The following FAT3 variants were observed in gnomAD, a reference collection of about 807,000 sequenced individuals.
FAT3 encodes FAT atypical cadherin 3.
FAT3 carries 95 observed loss-of-function variants against 310.2 expected under a neutral mutation model. That is an observed-to-expected ratio of 0.31 (90% CI 0.26 to 0.36). The LOEUF (loss-of-function observed/expected upper bound fraction) is 0.36, where lower values mean the gene tolerates loss of function less well. Ranked by LOEUF, FAT3 falls within the 10% of genes least tolerant of loss-of-function variation. The pLI, the probability that FAT3 is intolerant of heterozygous loss-of-function variation, is 1.00. For missense variants in FAT3, 5,408 were observed against 5,715.6 expected (o/e 0.95, Z 1.74); for synonymous variants, 2,314 against 2,192.9 (o/e 1.06, Z -1.54).
chr11:92,867,762 T>C (rs1949285441), intron 22 of FAT3, among the ~76,000 whole-genome samples: 1 of 152,192 alleles, frequency 6.6e-6, no homozygotes, highest in Admixed American at 6.5e-5. Flanking sequence ...ATAAGTCTAG[T>C]TACAGCTTTA....
At chr11:92,786,514 C>G (rs1182346775) in intron 7 of FAT3, among the ~76,000 whole-genome samples, 1 of 151,920 alleles carries the variant, frequency 6.6e-6, no homozygotes, top group Non-Finnish European at 1.5e-5. Flanking sequence ...CAACCTCACT[C>G]AAAAATAAGA....
In FAT3 at chr11:92,505,194, T is replaced by C. The variant is rs529284363; in HGVS notation, c.3293-19440T>C. The stretch of plus-strand genomic sequence containing the variant: ...CTAGAGACTGTCCAGGCCTGCCTGC[T>C]ACCTCCGTTGAACCAATTCCTGATG... On this transcript the variant is annotated intron_variant, in intron 2 of 27. Transcript: ENST00000525166. Among the ~76,000 whole-genome samples the C allele has an allele frequency of 7.2e-5, 11 of 152,264 alleles. No homozygotes were observed. In the East Asian group the frequency reaches 1.6e-3, roughly 21 times the overall value.
chr11:92,658,118 G>A (rs1043530682), intron 3 of FAT3, among the ~76,000 whole-genome samples: 6 of 152,134 alleles, frequency 3.9e-5, no homozygotes, highest in East Asian at 1.9e-4. Flanking sequence ...ATACTAAGTC[G>A]TCAAAATCCA....
chr11:92,651,965 G>T (rs1942395526), intron 3 of FAT3, among the ~76,000 whole-genome samples: 2 of 152,064 alleles, frequency 1.3e-5, no homozygotes, highest in African/African-American at 4.8e-5. Flanking sequence ...CATTTCCATT[G>T]TCCATCTTTT....
At chr11:92,721,735 AAG>A (rs938156571) in intron 4 of FAT3, among the ~76,000 whole-genome samples, 1 of 152,176 alleles carries the variant, frequency 6.6e-6, no homozygotes, top group East Asian at 1.9e-4. Context: ...TTACAAAAGA[AAG>A]AGATTTACTG....
intron 4 of FAT3, among the ~76,000 whole-genome samples, chr11:92,753,114 C>G (rs1455675782): frequency 6.6e-6 from 1 of 152,156 alleles, no homozygotes; most frequent in African/African-American, 2.4e-5. Context: ...AATCTGGACT[C>G]TGAGACTCTT....
chr11:92,796,062 C>T (rs1016464935), intron 9 of FAT3, among the ~76,000 whole-genome samples: 5 of 152,054 alleles, frequency 3.3e-5, no homozygotes, highest in Non-Finnish European at 5.9e-5. Context: ...TCAGTGAACA[C>T]CGAGATCCCT....
chr11:92,471,839 T>G (rs1951911847), intron 2 of FAT3, among the ~76,000 whole-genome samples: 1 of 150,566 alleles, frequency 6.6e-6, no homozygotes, highest in Non-Finnish European at 1.5e-5. Context: ...CAGAGCTACA[T>G]TTAGTAGCAT....
At chr11:92,321,591 GA>G (rs1180210443) in intron 1 of FAT3, among the ~76,000 whole-genome samples, 7 of 151,270 alleles carry the variant, frequency 4.6e-5, no homozygotes, top group South Asian at 4.2e-4. Context: ...GAGAAAAAAA[GA>G]AAAAAAAATT....
chr11:92,649,112 C>T (rs193244034), intron 3 of FAT3, among the ~76,000 whole-genome samples: 8 of 152,210 alleles, frequency 5.3e-5, no homozygotes, highest in East Asian at 1.9e-4. Flanking sequence ...TGTCGGGGCA[C>T]GTGAAGAAAC....
intron 3 of FAT3, among the ~76,000 whole-genome samples, chr11:92,581,372 G>C (rs997693845): frequency 6.6e-6 from 1 of 152,044 alleles, no homozygotes; most frequent in African/African-American, 2.4e-5. Context: ...GAGGACAACA[G>C]ACTCAGACTG....
At chr11:92,266,676 C>T (rs972952765) in intron 1 of FAT3, among the ~76,000 whole-genome samples, 1 of 152,160 alleles carries the variant, frequency 6.6e-6, no homozygotes, top group African/African-American at 2.4e-5. Flanking sequence ...CCTCGAGTAG[C>T]AAGCTCTCTG....
At chr11:92,484,267 C>T (rs1952312163) in intron 2 of FAT3, among the ~76,000 whole-genome samples, 1 of 152,064 alleles carries the variant, frequency 6.6e-6, no homozygotes, top group African/African-American at 2.4e-5. Flanking sequence ...TATGTTTTCT[C>T]TTATTTTATA....
chr11:92,412,225 C>T (rs890179661), intron 2 of FAT3, among the ~76,000 whole-genome samples: 1 of 151,886 alleles, frequency 6.6e-6, no homozygotes, highest in Non-Finnish European at 1.5e-5. Flanking sequence ...GCCTCATCCT[C>T]CTGAGTAGCT....
At chr11:92,821,701 T>G (rs560868692) in intron 13 of FAT3, among the ~76,000 whole-genome samples, 16 of 152,356 alleles carry the variant, frequency 1.1e-4, no homozygotes, top group African/African-American at 3.4e-4. Flanking sequence ...TGAACAGATC[T>G]GGATGCTCCC....
At chr11:92,665,855 T>C (rs1942932027) in intron 3 of FAT3, among the ~76,000 whole-genome samples, 1 of 152,194 alleles carries the variant, frequency 6.6e-6, no homozygotes. Flanking sequence ...TAATTTGGTC[T>C]TCCTTCTCTT....
chr11:92,621,620 A>G (rs554227514), intron 3 of FAT3, among the ~76,000 whole-genome samples: 11 of 152,296 alleles, frequency 7.2e-5, no homozygotes, highest in Admixed American at 4.6e-4. Flanking sequence ...GCTCATGGCC[A>G]TCTTGTTTCT....
At chr11:92,577,771 A>G (rs983257104) in intron 3 of FAT3, among the ~76,000 whole-genome samples, 2 of 152,098 alleles carry the variant, frequency 1.3e-5, no homozygotes, top group Non-Finnish European at 2.9e-5. Flanking sequence ...GTGTGCTGGG[A>G]GATACTTGGC....
intron 3 of FAT3, among the ~76,000 whole-genome samples, chr11:92,634,854 G>A (rs983756288): frequency 2.8e-4 from 43 of 152,088 alleles, no homozygotes; most frequent in African/African-American, 1.0e-3. Context: ...TTAAGGTTTA[G>A]TGAGGTCATA....
Sources: gnomAD v4.1 joint callset for allele counts (sites outside exome capture counted in the v4.1 genomes callset) on GRCh38, gnomAD v4.1.1 for gene constraint, MANE v1.5 for transcripts, NCBI Gene and HGNC (gene_info 2026-07-23, HGNC 2026-07-21) for gene names.